The following CRTAC1 variants were observed in gnomAD, a reference collection of about 807,000 sequenced individuals.
CRTAC1 encodes the protein cartilage acidic protein 1, also known as acidic secreted protein in cartilage.
CRTAC1 carries 37 observed loss-of-function variants against 67.8 expected under a neutral mutation model. The ratio of observed to expected loss-of-function variants is 0.55; its 90% confidence interval spans 0.42 to 0.72. CRTAC1 has a LOEUF of 0.72. Ranked by LOEUF, CRTAC1 falls within the 30% of genes least tolerant of loss-of-function variation. The pLI, the probability that CRTAC1 is intolerant of heterozygous loss-of-function variation, is 0.00. For missense variants in CRTAC1, 780 were observed against 931.6 expected (o/e 0.84, Z 2.12); for synonymous variants, 348 against 371.0 (o/e 0.94, Z 0.71).
chr10:97,928,217 CCAGT>C, intron 3 of CRTAC1, among the ~76,000 whole-genome samples: 1 of 128,480 alleles, frequency 7.8e-6, no homozygotes, highest in South Asian at 2.6e-4. Flanking sequence ...AGAGTCCAGT[CCAGT>C]AGAACCACCA....
chr10:98,008,462 C>T (rs1284259633), intron 2 of CRTAC1, among the ~76,000 whole-genome samples: 1 of 151,928 alleles, frequency 6.6e-6, no homozygotes, highest in Admixed American at 6.6e-5. Flanking sequence ...CCTGCAACAG[C>T]CAGGGCAGAA....
chr10:97,945,086 A>G (rs2136624799), intron 2 of CRTAC1, among the ~76,000 whole-genome samples: 1 of 152,366 alleles, frequency 6.6e-6, no homozygotes, highest in East Asian at 1.9e-4. Context: ...ATGATGACCT[A>G]TCATCTCAGA....
At chr10:97,881,494 C>G (rs962283886) in intron 13 of CRTAC1, among the ~76,000 whole-genome samples, 3 of 152,224 alleles carry the variant, frequency 2.0e-5, no homozygotes, top group African/African-American at 7.2e-5. Flanking sequence ...GTCTGTCTCC[C>G]TCCACTAGAA....
chr10:98,025,750 G>A (rs544455672), intron 1 of CRTAC1, among the ~76,000 whole-genome samples: 1 of 152,212 alleles, frequency 6.6e-6, no homozygotes, highest in Non-Finnish European at 1.5e-5. Context: ...CAGGAGGCTC[G>A]GTGAGCACGA....
intron 2 of CRTAC1, among the ~76,000 whole-genome samples, chr10:97,967,870 G>T (rs972800315): frequency 6.6e-6 from 1 of 152,140 alleles, no homozygotes; most frequent in Non-Finnish European, 1.5e-5. Context: ...CCCAGTGATT[G>T]TTGAAACAGA....
chr10:97,997,564 G>A (rs945424908), intron 2 of CRTAC1, among the ~76,000 whole-genome samples: 2 of 151,250 alleles, frequency 1.3e-5, no homozygotes, highest in African/African-American at 2.4e-5. Flanking sequence ...TAGTGGTAAT[G>A]AAAACAACTA....
chr10:97,916,507 C>G (rs2050760353), intron 5 of CRTAC1, among the ~76,000 whole-genome samples: 1 of 152,150 alleles, frequency 6.6e-6, no homozygotes, highest in Admixed American at 6.5e-5. Context: ...GAGGCAGTGA[C>G]AACCCTTTCT....
chr10:97,921,953 G>A (rs973756651), intron 4 of CRTAC1, among the ~76,000 whole-genome samples: 1 of 150,880 alleles, frequency 6.6e-6, no homozygotes, highest in Non-Finnish European at 1.5e-5. Flanking sequence ...GGTTAAATGC[G>A]TGGGTGTGCA....
chr10:97,902,870 G>A (rs933120239), intron 7 of CRTAC1, among the ~76,000 whole-genome samples: 7 of 151,804 alleles, frequency 4.6e-5, no homozygotes, highest in African/African-American at 1.5e-4. Context: ...GGAGTAATGA[G>A]GTTGAATAAG....
At chr10:97,938,463 C>A (rs539858305) in intron 2 of CRTAC1, among the ~76,000 whole-genome samples, 259 of 152,304 alleles carry the variant, frequency 1.7e-3, no homozygotes, top group Non-Finnish European at 3.3e-3. Context: ...GTAGGCAAAG[C>A]ATTTTTCCAG....
chr10:97,951,114 G>T (rs2051349222), intron 2 of CRTAC1, among the ~76,000 whole-genome samples: 1 of 152,138 alleles, frequency 6.6e-6, no homozygotes, highest in African/African-American at 2.4e-5. Context: ...CGTGGTGTTG[G>T]ACCCTTTGCT....
chr10:98,010,785 A>G (rs1842889769), intron 2 of CRTAC1, among the ~76,000 whole-genome samples: 1 of 152,248 alleles, frequency 6.6e-6, no homozygotes, highest in African/African-American at 2.4e-5. Flanking sequence ...TAGAGATCCT[A>G]GAGCCCCACT....
chr10:97,972,602 TAA>T (rs993833989), intron 2 of CRTAC1, among the ~76,000 whole-genome samples: 1 of 152,132 alleles, frequency 6.6e-6, no homozygotes, highest in Non-Finnish European at 1.5e-5. Flanking sequence ...AACAAAAAAA[TAA>T]AAAAGTTTAT....
At chr10:97,959,203 G>A (rs2051486077) in intron 2 of CRTAC1, among the ~76,000 whole-genome samples, 1 of 152,158 alleles carries the variant, frequency 6.6e-6, no homozygotes, top group Non-Finnish European at 1.5e-5. Context: ...GATTCATTGG[G>A]AGGACACACA....
chr10:98,018,666 T>G (rs565142418), intron 1 of CRTAC1, among the ~76,000 whole-genome samples: 1 of 152,154 alleles, frequency 6.6e-6, no homozygotes, highest in Non-Finnish European at 1.5e-5. Context: ...ACAGTTCTTT[T>G]GCAATTATGG....
At chr10:98,006,055 T>C (rs1215025683) in intron 2 of CRTAC1, among the ~76,000 whole-genome samples, 1 of 152,236 alleles carries the variant, frequency 6.6e-6, no homozygotes, top group African/African-American at 2.4e-5. Flanking sequence ...TTACAACCAC[T>C]ACAGTCTTTC....
chr10:97,976,283 C>G (rs1322513913), intron 2 of CRTAC1, among the ~76,000 whole-genome samples: 3 of 152,202 alleles, frequency 2.0e-5, no homozygotes, highest in Non-Finnish European at 2.9e-5. Flanking sequence ...AACCAAATAT[C>G]TTGCATGTAG....
At chr10:97,922,132 G>T (rs1423999131) in intron 4 of CRTAC1, among the ~76,000 whole-genome samples, 1 of 152,028 alleles carries the variant, frequency 6.6e-6, no homozygotes, top group African/African-American at 2.4e-5. Flanking sequence ...CCGTGACCAG[G>T]TCTGGCACCC....
chr10:97,925,872 C>T (rs2050909248), intron 3 of CRTAC1, among the ~76,000 whole-genome samples: 1 of 152,036 alleles, frequency 6.6e-6, no homozygotes, highest in African/African-American at 2.4e-5. Context: ...TAAGTGACCC[C>T]TTGACCCCTC....
Sources: gnomAD v4.1 joint callset for allele counts (sites outside exome capture counted in the v4.1 genomes callset) on GRCh38, gnomAD v4.1.1 for gene constraint, MANE v1.5 for transcripts, NCBI Gene and HGNC (gene_info 2026-07-23, HGNC 2026-07-21) for gene names.